The following SNX14 variants were observed in gnomAD, a reference collection of about 807,000 sequenced individuals.
The protein encoded by SNX14 is sorting nexin 14, also known as sorting nexin-14.
A neutral mutation model predicts 133.8 loss-of-function variants in SNX14; 93 were observed. The observed-to-expected ratio is 0.70, with a 90% CI of 0.59 to 0.83. SNX14 has a LOEUF of 0.83. SNX14 is among the 40% of genes least tolerant of loss of function. The pLI is 0.00. For synonymous variants in SNX14, 368 were observed against 365.6 expected (o/e 1.01, Z -0.07); for missense variants, 945 against 1,094.9 (o/e 0.86, Z 1.93).
intron 17 of SNX14, among the ~76,000 whole-genome samples, chr6:85,534,261 T>G (rs751855252): frequency 2.6e-5 from 4 of 151,968 alleles, no homozygotes; most frequent in Non-Finnish European, 5.9e-5. Context: ...AGGTCAGGAG[T>G]TCAAGATAAT....
At chr6:85,519,225 TA>T (rs769495787) in intron 21 of SNX14, among the ~76,000 whole-genome samples, 4 of 152,224 alleles carry the variant, frequency 2.6e-5, no homozygotes, top group Non-Finnish European at 5.9e-5. Flanking sequence ...TTGACTCAAA[TA>T]AATGTATTGA....
chr6:85,556,308 A>C (rs1789742617), intron 7 of SNX14, among the ~76,000 whole-genome samples: 1 of 152,160 alleles, frequency 6.6e-6, no homozygotes, highest in Admixed American at 6.5e-5. Context: ...TCACACCTGT[A>C]ATCTCAGCAC....
chr6:85,519,526 G>A (rs976358921), intron 21 of SNX14, among the ~76,000 whole-genome samples: 1 of 151,866 alleles, frequency 6.6e-6, no homozygotes, highest in Admixed American at 6.5e-5. Context: ...TACTTTGGGA[G>A]GCTGAGGCAG....
At chr6:85,558,967 T>C in intron 6 of SNX14, among the ~76,000 whole-genome samples, 1 of 151,806 alleles carries the variant, frequency 6.6e-6, no homozygotes, top group Non-Finnish European at 1.5e-5. Flanking sequence ...AAATTATAAA[T>C]AAATCAACAA....
At chr6:85,508,230 T>G (rs1485620092) in intron 26 of SNX14, 171 bp from the exon 27 acceptor site, 18 of 1,291,810 alleles carry the variant, frequency 1.4e-5, no homozygotes, top group Non-Finnish European at 1.6e-5. Context: ...GAGGTTTCTA[T>G]GGTCAAGTTG....
intron 16 of SNX14, 22 bp downstream of exon 16, chr6:85,538,816 G>A: frequency 6.3e-7 from 1 of 1,580,706 alleles, no homozygotes; most frequent in Non-Finnish European, 8.6e-7. Context: ...ATACTGAAAA[G>A]AATCACATGC....
chr6:85,593,043 C>A (rs1016622356), intron 1 of SNX14, among the ~76,000 whole-genome samples: 1 of 152,042 alleles, frequency 6.6e-6, no homozygotes, highest in East Asian at 1.9e-4. Context: ...GATGTTGGGA[C>A]GGGTACCACT....
intron 4 of SNX14, 21 bp downstream of exon 4, chr6:85,572,116 A>T: frequency 6.8e-7 from 1 of 1,480,346 alleles, no homozygotes; most frequent in Non-Finnish European, 9.3e-7. Context: ...TTCTGTTAAT[A>T]ATATTAATTA....
In SNX14 at chr6:85,562,582, C is replaced by CTTTTTTTT. The variant is rs201175458; in HGVS notation, c.549+2742_549+2749dup. ...TAAATCTTTGAACATACTTTTTGGG[C>CTTTTTTTT]TTTTTTTTTTTTTTTTTTTTTTGAG... On this transcript the variant is annotated intron_variant, in intron 6 of 28. Coordinates refer to ENST00000314673, the MANE Select transcript of SNX14 (RefSeq NM_153816.6). Among the ~76,000 whole-genome samples, 12 of 94,854 alleles carry CTTTTTTTT rather than the reference C, an allele frequency of 1.3e-4. 1 individual carries two copies. The highest frequency in any genetic ancestry group is 1.7e-4 in the African/African-American group (4 of 23,980). The allele number at this position is 94,854 out of a possible 152,430, so 62.2% of individuals were successfully genotyped here.
intron 1 of SNX14, among the ~76,000 whole-genome samples, chr6:85,579,665 T>C (rs531114021): frequency 6.6e-6 from 1 of 152,302 alleles, no homozygotes; most frequent in East Asian, 1.9e-4. Context: ...CAGGAAGAAC[T>C]TAGCCGATGC....
rs116640389 is a variant in SNX14, at chr6:85,558,157, T to C, written c.550-97A>G. The C allele has an allele frequency of 7.0e-4, 459 of 659,062 alleles. 2 individuals carry two copies. In the African/African-American group the frequency reaches 7.8e-3, roughly 11 times the overall value. 40.8% of individuals were successfully genotyped at this position (659,062 alleles called of 1,614,324 possible). ...TGATATTGGAATATATCTTAAAAAT[T>C]AGAAGTATTCAGAATCTTTCAAAAA... On this transcript the variant is annotated intron_variant, in intron 6 of 28. Coordinates refer to ENST00000314673, the MANE Select transcript of SNX14 (RefSeq NM_153816.6).
intron 26 of SNX14, among the ~76,000 whole-genome samples, chr6:85,512,777 T>C (rs1773403270): frequency 6.6e-6 from 1 of 152,152 alleles, no homozygotes; most frequent in African/African-American, 2.4e-5. Context: ...GGGTTTTGAG[T>C]TCACGGGTTT....
At chr6:85,543,327 T>C (rs1784396280) in intron 13 of SNX14, 21 bp from the exon 14 acceptor site, 2 of 1,539,156 alleles carry the variant, frequency 1.3e-6, no homozygotes, top group Admixed American at 2.2e-5. Context: ...AATTCTACTG[T>C]AGAAATTATT....
At chr6:85,578,543 C>A (rs955075676) in intron 1 of SNX14, among the ~76,000 whole-genome samples, 4 of 151,950 alleles carry the variant, frequency 2.6e-5, no homozygotes. Flanking sequence ...AGAATATGAA[C>A]CTAAAAAAAG....
intron 27 of SNX14, 44 bp downstream of exon 27, chr6:85,507,924 C>T (rs1333601296): frequency 6.4e-7 from 1 of 1,554,418 alleles, no homozygotes; most frequent in South Asian, 1.1e-5. Context: ...ACGTCGTTCA[C>T]CAAACCTAGC....
intron 2 of SNX14, 49 bp from the exon 3 acceptor site, chr6:85,572,423 A>T (rs377594056): frequency 9.3e-5 from 125 of 1,339,124 alleles, no homozygotes; most frequent in Non-Finnish European, 1.1e-4. Context: ...TTTACATAAC[A>T]TCTTTATTTA....
At chr6:85,512,213 C>T (rs745781207) in intron 26 of SNX14, among the ~76,000 whole-genome samples, 1 of 152,156 alleles carries the variant, frequency 6.6e-6, no homozygotes, top group African/African-American at 2.4e-5. Flanking sequence ...AATGCCCTGA[C>T]TGATGTATTT....
intron 7 of SNX14, among the ~76,000 whole-genome samples, chr6:85,550,532 G>A (rs1354328433): frequency 2.0e-5 from 3 of 152,062 alleles, no homozygotes; most frequent in East Asian, 1.9e-4. Flanking sequence ...GTCTCGCTCC[G>A]TCACCCAGGC....
At chr6:85,511,015 A>G (rs1772612108) in intron 26 of SNX14, among the ~76,000 whole-genome samples, 1 of 152,216 alleles carries the variant, frequency 6.6e-6, no homozygotes, top group African/African-American at 2.4e-5. Context: ...GAAGTTCAGA[A>G]GAACGGACAT....
Sources: gnomAD v4.1 joint callset for allele counts (sites outside exome capture counted in the v4.1 genomes callset) on GRCh38, gnomAD v4.1.1 for gene constraint, MANE v1.5 for transcripts, NCBI Gene and HGNC (gene_info 2026-07-23, HGNC 2026-07-21) for gene names.